The following DPYSL3 variants were observed in gnomAD, a reference collection of about 807,000 sequenced individuals.
DPYSL3 encodes the protein dihydropyrimidinase-related protein 3.
In DPYSL3, 16 loss-of-function variants were observed where a neutral mutation model predicts 66.1. The observed-to-expected ratio is 0.24, with a 90% confidence interval of 0.16 to 0.37. The LOEUF (loss-of-function observed/expected upper bound fraction) is 0.37. Among genes scored for constraint, DPYSL3 ranks in the 10% least tolerant of loss-of-function variants. The probability of loss-of-function intolerance (pLI) is 1.00; values close to 1 mark genes in which losing one functional copy is unlikely to be tolerated. For synonymous variants in DPYSL3, 338 were observed against 345.1 expected (o/e 0.98, Z 0.23); for missense variants, 738 against 916.2 (o/e 0.81, Z 2.51).
intron 1 of DPYSL3, among the ~76,000 whole-genome samples, chr5:147,492,992 G>A (rs1753439357): frequency 6.6e-6 from 1 of 152,064 alleles, no homozygotes; most frequent in Non-Finnish European, 1.5e-5. Context: ...GAAAAGGAAT[G>A]GAGAAAGAAA....
At chr5:147,497,616 T>C (rs1320306173) in intron 1 of DPYSL3, among the ~76,000 whole-genome samples, 1 of 151,674 alleles carries the variant, frequency 6.6e-6, no homozygotes, top group Non-Finnish European at 1.5e-5. Flanking sequence ...TTACACATAA[T>C]ATAATCCAAA....
In DPYSL3 at chr5:147,392,608, C is replaced by T. The variant is rs564124459; in HGVS notation, c.*1427G>A. ...CTTATCTTGCTCACAGGACTTGCTCCAAAACTGAATTTTCAGAAGCAGCAT... is the reference window on the plus strand; with the variant it reads ...CTTATCTTGCTCACAGGACTTGCTCTAAAACTGAATTTTCAGAAGCAGCAT... On this transcript the variant is annotated 3_prime_UTR_variant, in exon 14 of 14. Transcript: ENST00000343218. 4 of 152,294 alleles carry T rather than the reference C, an allele frequency of 2.6e-5. No individual in the cohort carries two copies. In the South Asian group the frequency reaches 6.2e-4, roughly 24 times the overall value. 9.4% of individuals were successfully genotyped at this position (152,294 alleles called of 1,614,324 possible).
chr5:147,397,482 A>C (rs1042958764), intron 12 of DPYSL3, among the ~76,000 whole-genome samples, 184 bp downstream of exon 12: 1 of 152,214 alleles, frequency 6.6e-6, no homozygotes, highest in Non-Finnish European at 1.5e-5. Flanking sequence ...TCTTTGAACA[A>C]AAATTTTCAA....
intron 4 of DPYSL3, among the ~76,000 whole-genome samples, chr5:147,415,096 G>A (rs551793687): frequency 6.6e-6 from 1 of 152,192 alleles, no homozygotes; most frequent in South Asian, 2.1e-4. Context: ...AGAAGACAGT[G>A]GAACCTAAAT....
intron 1 of DPYSL3, among the ~76,000 whole-genome samples, chr5:147,427,663 A>C (rs1440752927): frequency 2.0e-5 from 3 of 152,188 alleles, no homozygotes; most frequent in Non-Finnish European, 4.4e-5. Flanking sequence ...TAAGCTCCTT[A>C]TGCAGCCATC....
At chr5:147,464,497 G>A (rs1752983871) in intron 1 of DPYSL3, among the ~76,000 whole-genome samples, 2 of 152,224 alleles carry the variant, frequency 1.3e-5, no homozygotes, top group South Asian at 4.1e-4. Flanking sequence ...CAAGCAAGGA[G>A]AGTCAGCATC....
At chr5:147,416,228 C>T (rs116289339) in intron 3 of DPYSL3, among the ~76,000 whole-genome samples, 1 of 152,192 alleles carries the variant, frequency 6.6e-6, no homozygotes, top group African/African-American at 2.4e-5. Flanking sequence ...ATGGTAAGTG[C>T]TCAATAAATG....
intron 1 of DPYSL3, among the ~76,000 whole-genome samples, chr5:147,499,207 A>G (rs961763093): frequency 7.2e-5 from 11 of 152,182 alleles, no homozygotes; most frequent in South Asian, 2.1e-4. Context: ...AACAAACTGT[A>G]TTTCTTTGCA....
Position 147,395,621 on chromosome 5 carries a change from C to A in DPYSL3, c.1904G>T (p.Gly635Val), listed in dbSNP as rs754155618. The change falls in exon 13 of 14, where the codon GGC becomes GTC. Residue 635 changes from glycine (G) to valine (V), a missense_variant. By Grantham distance (109) the Gly-to-Val change is moderately radical (BLOSUM62 -3). Transcript: ENST00000343218. The stretch of plus-strand genomic sequence containing the variant: ...AGGTGGGTTCGGCCGAGTAGGAGAG[C>A]CCCGAGCAGAGCCTGCGGGGGTGCC... Reference protein sequence around the residue: ...KGGTPAGSARGSPTRPNPPVR... With the variant: ...KGGTPAGSARVSPTRPNPPVR... 4 of 1,613,930 alleles carry A rather than the reference C, an allele frequency of 2.5e-6. No individual in the cohort carries two copies. The East Asian group carries it at 6.7e-5, about 27-fold the overall frequency.
At chr5:147,494,828 G>A (rs1044720776) in intron 1 of DPYSL3, among the ~76,000 whole-genome samples, 5 of 150,584 alleles carry the variant, frequency 3.3e-5, no homozygotes, top group Admixed American at 1.3e-4. Flanking sequence ...GCAGTGAGCC[G>A]AGATCGCGCC....
At chr5:147,449,552 T>G (rs955560934) in intron 1 of DPYSL3, among the ~76,000 whole-genome samples, 3 of 152,242 alleles carry the variant, frequency 2.0e-5, no homozygotes, top group African/African-American at 7.2e-5. Flanking sequence ...ACATCTCAGC[T>G]GCACGTGCCT....
chr5:147,485,659 T>C (rs1284343246), intron 1 of DPYSL3, among the ~76,000 whole-genome samples: 1 of 152,096 alleles, frequency 6.6e-6, no homozygotes, highest in East Asian at 1.9e-4. Context: ...CAAGTGTCTG[T>C]GGTGAGAAGT....
chr5:147,447,738 C>T (rs1752653365), intron 1 of DPYSL3, among the ~76,000 whole-genome samples: 1 of 152,146 alleles, frequency 6.6e-6, no homozygotes, highest in African/African-American at 2.4e-5. Context: ...GGCATGGTGG[C>T]ACATGTCTGT....
intron 4 of DPYSL3, 85 bp from the exon 5 acceptor site, chr5:147,413,742 CCATAGCACCCAG>C (rs1288836978): frequency 9.4e-7 from 1 of 1,066,998 alleles, no homozygotes; most frequent in African/African-American, 1.6e-5. Flanking sequence ...CTTCCATCGA[CCATAGCACCCAG>C]CTGCATTACC....
chr5:147,503,917 T>G (rs1753649821), intron 1 of DPYSL3, among the ~76,000 whole-genome samples: 1 of 152,246 alleles, frequency 6.6e-6, no homozygotes, highest in South Asian at 2.1e-4. Context: ...TAATATGTTC[T>G]TTGATGGAGT....
At chr5:147,473,076 GA>G (rs1304205811) in intron 1 of DPYSL3, 1 of 152,110 alleles carries the variant, frequency 6.6e-6, no homozygotes, top group African/African-American at 2.4e-5. Flanking sequence ...ACGGGAACCA[GA>G]CTTTGTTTCT....
intron 1 of DPYSL3, among the ~76,000 whole-genome samples, chr5:147,478,862 G>A (rs536002666): frequency 6.6e-6 from 1 of 152,246 alleles, no homozygotes; most frequent in South Asian, 2.1e-4. Context: ...GTGTGTCAGG[G>A]AAAGTGTCAG....
intron 2 of DPYSL3, among the ~76,000 whole-genome samples, chr5:147,424,056 G>A (rs1022865278): frequency 1.3e-5 from 2 of 152,120 alleles, no homozygotes; most frequent in African/African-American, 4.8e-5. Context: ...CACACAGAAG[G>A]GAAAGCTAGC....
chr5:147,494,666 C>A (rs1318439615), intron 1 of DPYSL3, among the ~76,000 whole-genome samples: 1 of 147,952 alleles, frequency 6.8e-6, no homozygotes, highest in Admixed American at 6.8e-5. Flanking sequence ...GAGACAGAGA[C>A]CATCCTGGCT....
Sources: gnomAD v4.1 joint callset for allele counts (sites outside exome capture counted in the v4.1 genomes callset) on GRCh38, gnomAD v4.1.1 for gene constraint, MANE v1.5 for transcripts, NCBI Gene and HGNC (gene_info 2026-07-23, HGNC 2026-07-21) for gene names.